Variants in GPC5 observed in about 807,000 individuals in gnomAD.
GPC5 encodes glypican-5.
A neutral mutation model predicts 53.9 loss-of-function variants in GPC5; 47 were observed. The ratio of observed to expected loss-of-function variants is 0.87; its 90% confidence interval spans 0.69 to 1.11. The LOEUF (loss-of-function observed/expected upper bound fraction) is 1.11. Ranked by LOEUF, GPC5 falls within the 50% of genes most tolerant of loss-of-function variation. The pLI is 0.00. For synonymous variants in GPC5, 286 were observed against 263.3 expected (o/e 1.09, Z -0.84); for missense variants, 748 against 713.1 (o/e 1.05, Z -0.56).
chr13:92,116,037 GCC>G (rs1566441835), intron 6 of GPC5, among the ~76,000 whole-genome samples: 2 of 152,022 alleles, frequency 1.3e-5, no homozygotes, highest in African/African-American at 2.4e-5. Flanking sequence ...AATCCCTTGA[GCC>G]CAGACATTCA....
intron 6 of GPC5, among the ~76,000 whole-genome samples, chr13:92,027,374 AT>A (rs919728227): frequency 2.0e-5 from 3 of 152,088 alleles, no homozygotes; most frequent in Non-Finnish European, 2.9e-5. Context: ...AACAAAACCA[AT>A]TTTTTTCTCA....
chr13:92,432,532 G>A (rs1445436720), intron 7 of GPC5, among the ~76,000 whole-genome samples: 2 of 148,278 alleles, frequency 1.3e-5, no homozygotes, highest in South Asian at 2.1e-4. Context: ...CCACCACCAC[G>A]CCCGGCTATT....
At chr13:92,101,717 C>T (rs550627466) in intron 6 of GPC5, among the ~76,000 whole-genome samples, 106 of 152,248 alleles carry the variant, frequency 7.0e-4, no homozygotes, top group African/African-American at 2.4e-3. Flanking sequence ...TGCCCTTGCT[C>T]CTAGGGGATA....
intron 7 of GPC5, among the ~76,000 whole-genome samples, chr13:92,457,880 G>T (rs527945523): frequency 6.6e-6 from 1 of 152,122 alleles, no homozygotes; most frequent in Admixed American, 6.6e-5. Context: ...TTCTGATGAA[G>T]TGTTGCCTGT....
intron 7 of GPC5, among the ~76,000 whole-genome samples, chr13:92,370,951 C>T (rs2043645622): frequency 6.6e-6 from 1 of 152,048 alleles, no homozygotes; most frequent in African/African-American, 2.4e-5. Flanking sequence ...GAGTTCGAGA[C>T]CAGCCTGGCC....
At chr13:91,419,575 A>G (rs1032753500) in intron 1 of GPC5, among the ~76,000 whole-genome samples, 6 of 152,224 alleles carry the variant, frequency 3.9e-5, no homozygotes, top group African/African-American at 1.4e-4. Flanking sequence ...TAATGATACT[A>G]GTAATAAGCC....
intron 7 of GPC5, among the ~76,000 whole-genome samples, chr13:92,331,502 A>G (rs368741084): frequency 6.6e-6 from 1 of 152,184 alleles, no homozygotes; most frequent in Admixed American, 6.5e-5. Context: ...GTTAATTATA[A>G]AGCAAAATAG....
chr13:92,287,001 C>A lies in GPC5; in HGVS notation c.1561+142012C>A, dbSNP rs548972334. On this transcript the variant is annotated intron_variant, in intron 7 of 7. Coordinates refer to ENST00000377067, the MANE Select transcript of GPC5 (RefSeq NM_004466.6). ...AACGCTAGAGGCCCTCAGAAGAAACCAACCATGTTGTCACCTTTATCTTGG... is the reference window on the plus strand; with the variant it reads ...AACGCTAGAGGCCCTCAGAAGAAACAAACCATGTTGTCACCTTTATCTTGG... Among the ~76,000 whole-genome samples the A allele has an allele frequency of 2.0e-5, 3 of 152,198 alleles. No homozygotes were observed. The South Asian group carries it at 6.2e-4, about 32-fold the overall frequency.
At chr13:92,017,267 A>G (rs1459644017) in intron 6 of GPC5, among the ~76,000 whole-genome samples, 2 of 151,990 alleles carry the variant, frequency 1.3e-5, no homozygotes, top group Non-Finnish European at 2.9e-5. Flanking sequence ...TTTCCTAGTG[A>G]TATGTTATTG....
At chr13:91,507,621 T>G (rs1885011789) in intron 2 of GPC5, among the ~76,000 whole-genome samples, 1 of 152,180 alleles carries the variant, frequency 6.6e-6, no homozygotes, top group East Asian at 1.9e-4. Context: ...GTGGAAATTA[T>G]GGGAGCTAAA....
intron 4 of GPC5, among the ~76,000 whole-genome samples, chr13:91,735,401 C>T (rs1039649312): frequency 5.3e-5 from 8 of 151,020 alleles, no homozygotes; most frequent in Admixed American, 1.3e-4. Flanking sequence ...ATTATACTGG[C>T]CTATCGTCTG....
intron 7 of GPC5, among the ~76,000 whole-genome samples, chr13:92,301,361 G>A (rs2043074128): frequency 6.6e-6 from 1 of 152,154 alleles, no homozygotes; most frequent in South Asian, 2.1e-4. Flanking sequence ...ATTTCTAAGG[G>A]TCTCATTGAA....
rs1879347027 is a variant in GPC5 at position 92,866,661 on chromosome 13, A to G, written c.*222A>G. On this transcript the variant is annotated 3_prime_UTR_variant, in exon 8 of 8. Coordinates refer to ENST00000377067, the MANE Select transcript of GPC5 (RefSeq NM_004466.6). Reference sequence around the variant, plus strand: ...ATGTCTTTTTTCAATCTAACTGAAAACCTTCTTAACTTCTAATATATTAAA... The same window carrying G: ...ATGTCTTTTTTCAATCTAACTGAAAGCCTTCTTAACTTCTAATATATTAAA... The G allele has an allele frequency of 3.0e-6, 1 of 332,634 alleles. No homozygotes were observed. The highest frequency in any genetic ancestry group is 5.4e-6 in the Non-Finnish European group (1 of 184,510). 20.6% of individuals were successfully genotyped at this position (332,634 alleles called of 1,614,324 possible).
chr13:92,038,437 T>C (rs571889975), intron 6 of GPC5, among the ~76,000 whole-genome samples: 21 of 151,522 alleles, frequency 1.4e-4, no homozygotes, highest in African/African-American at 4.6e-4. Context: ...TTCAACTCTG[T>C]ATAGTATAGA....
intron 7 of GPC5, among the ~76,000 whole-genome samples, chr13:92,702,390 C>A (rs187302717): frequency 4.6e-5 from 7 of 152,198 alleles, no homozygotes; most frequent in East Asian, 1.9e-4. Flanking sequence ...AAAGTGAATT[C>A]TTTTCTTCTC....
chr13:91,415,750 G>GT (rs76171539), intron 1 of GPC5, among the ~76,000 whole-genome samples: 6 of 146,698 alleles, frequency 4.1e-5, no homozygotes, highest in African/African-American at 1.6e-4. Context: ...CGGGGGTGGG[G>GT]GGGGTGGGGG....
chr13:92,486,478 T>C (rs1001175928), intron 7 of GPC5, among the ~76,000 whole-genome samples: 1 of 152,128 alleles, frequency 6.6e-6, no homozygotes, highest in South Asian at 2.1e-4. Flanking sequence ...GAGGAAAAAA[T>C]TCTAGACATT....
intron 7 of GPC5, chr13:92,340,549 T>G (rs886954013): frequency 1.3e-5 from 2 of 152,282 alleles, no homozygotes; most frequent in South Asian, 4.1e-4. Context: ...TAAATACATT[T>G]GAAAATAGTT....
intron 2 of GPC5, among the ~76,000 whole-genome samples, chr13:91,633,474 T>A (rs2034210486): frequency 6.6e-6 from 1 of 152,058 alleles, no homozygotes; most frequent in Non-Finnish European, 1.5e-5. Context: ...GTCATAACAG[T>A]CTTGTATGTT....
Sources: allele counts gnomAD v4.1 joint callset (sites outside exome capture counted in the v4.1 genomes callset), GRCh38; gene constraint gnomAD v4.1.1; transcripts MANE v1.5; gene names NCBI Gene and HGNC (gene_info 2026-07-23, HGNC 2026-07-21).